Variants in RECK observed in about 807,000 individuals in gnomAD.
RECK encodes reversion-inducing cysteine-rich protein with Kazal motifs.
Under a neutral mutation model 115.1 loss-of-function variants are expected in RECK, and 69 were observed. That is an observed-to-expected ratio of 0.60 (90% confidence interval 0.49 to 0.73). RECK has a LOEUF of 0.73. RECK is among the 30% of genes least tolerant of loss of function. The pLI, the probability that RECK is intolerant of heterozygous loss-of-function variation, is 0.00. For synonymous variants in RECK, 414 were observed against 419.7 expected (o/e 0.99, Z 0.17); for missense variants, 1,047 against 1,203.7 (o/e 0.87, Z 1.93).
chr9:36,121,817 G>A lies in RECK; in HGVS notation c.2694+129G>A, dbSNP rs565883538. The A allele has an allele frequency of 1.9e-3, 1,813 of 977,612 alleles. 5 individuals are homozygous for A. The highest frequency in any genetic ancestry group is 1.7e-3 in the Non-Finnish European group (1,076 of 649,234). The allele number at this position is 977,612 out of a possible 1,614,324, so 60.6% of individuals were successfully genotyped here. ...GGAGTGGAGGCATTTGGGAAGTTCA[G>A]CGGGACAGGAGGGAGAAAAGCAAGG... is the stretch of plus-strand genomic sequence containing the variant. On this transcript the variant is annotated intron_variant, in intron 20 of 20. Transcript: ENST00000377966.
chr9:36,071,496 A>G (rs1822229233), intron 6 of RECK, among the ~76,000 whole-genome samples: 1 of 152,198 alleles, frequency 6.6e-6, no homozygotes, highest in South Asian at 2.1e-4. Context: ...GAGCCACTGA[A>G]GTACAATGCT....
At position 36,119,080 on chromosome 9, in the gene RECK, A is replaced by T. The variant is rs576695805; in HGVS notation, c.2464+113A>T. 56 of 1,076,324 alleles carry T rather than the reference A, an allele frequency of 5.2e-5. No individual in the cohort carries two copies. The African/African-American group carries it at 8.6e-4, about 17-fold the overall frequency. 66.7% of individuals were successfully genotyped at this position (1,076,324 alleles called of 1,614,324 possible). On this transcript the variant is annotated intron_variant, in intron 18 of 20. Transcript: ENST00000377966. ...CATTTACGTTTTTCAGAAAGTCTTG[A>T]AGAGATTCTTATGCTGATCATACTC...
intron 1 of RECK, among the ~76,000 whole-genome samples, chr9:36,038,824 A>C (rs1046229402): frequency 2.0e-5 from 3 of 152,046 alleles, no homozygotes; most frequent in Non-Finnish European, 2.9e-5. Context: ...AAAAAAAAAA[A>C]CAAGAAACTT....
chr9:36,053,903 C>T (rs1821410283), intron 2 of RECK, among the ~76,000 whole-genome samples: 1 of 152,176 alleles, frequency 6.6e-6, no homozygotes, highest in Non-Finnish European at 1.5e-5. Context: ...AAAAATATTA[C>T]TCCTATTACT....
Position 36,121,610 on chromosome 9 carries a change from T to C in RECK, c.2616T>C (p.Asp872=), listed in dbSNP as rs1824463480. 6.2e-7 allele frequency: 1 copy of C among 1,614,022 alleles called. No homozygotes were observed. The highest frequency in any genetic ancestry group is 1.3e-5 in the African/African-American group (1 of 74,930). ...IRMHVSVPQC[D]VFGYFSIESE... is the part of the protein sequence containing the mutation. The stretch of plus-strand genomic sequence containing the variant: ...TGCACGTGTCTGTCCCACAGTGTGA[T>C]GTGTTTGGATACTTCAGCATTGAAT... Residue 872 remains aspartate, a synonymous_variant, in exon 20 of 21, where the codon GAT becomes GAC. Coordinates refer to ENST00000377966, the MANE Select transcript of RECK (RefSeq NM_021111.3).
In RECK at chr9:36,118,861, C is replaced by T; in HGVS notation, c.2358C>T (p.Asp786=). ...SDRVAVDYYG[D]CQAVGVLSEH... ...GCGTGGCAGTCGATTACTATGGGGA[C>T]TGCCAGGCCGTCGGAGTCCTCTCAG... Residue 786 remains aspartate, a synonymous_variant, in exon 18 of 21, where the codon GAC becomes GAT. Transcript: ENST00000377966. 1 of 1,614,110 alleles carries T rather than the reference C, an allele frequency of 6.2e-7. No individual in the cohort carries two copies. The highest frequency in any genetic ancestry group is 1.1e-5 in the South Asian group (1 of 91,072).
At chr9:36,091,137 G>T in intron 9 of RECK, 27 bp from the exon 10 acceptor site, 1 of 1,610,290 alleles carries the variant, frequency 6.2e-7, no homozygotes, top group Non-Finnish European at 8.5e-7. Context: ...GCTCATGTCG[G>T]CTTCTGCATT....
Position 36,117,194 on chromosome 9 carries a change from G to GACAAA in RECK, c.2253+23_2253+27dup. The GACAAA allele has an allele frequency of 1.9e-6, 3 of 1,578,348 alleles. No homozygotes were observed. Among genetic ancestry groups the GACAAA allele is most frequent in the Non-Finnish European group, 2.6e-6 (3 of 1,160,154 alleles). ...CCCTGCCAGGTACAGTGCTTTGGCT[G>GACAAA]ACAAAACAAAGTACACTACGGATAA... On this transcript the variant is annotated intron_variant, in intron 17 of 20. Transcript: ENST00000377966.
intron 2 of RECK, among the ~76,000 whole-genome samples, chr9:36,054,517 AAG>A (rs1554702536): frequency 1.3e-5 from 2 of 151,244 alleles, no homozygotes; most frequent in Non-Finnish European, 2.9e-5. Flanking sequence ...AAAAAAAAAA[AAG>A]CCAATTAGTG....
At chr9:36,113,580 A>G (rs942781395) in intron 16 of RECK, among the ~76,000 whole-genome samples, 2 of 152,202 alleles carry the variant, frequency 1.3e-5, no homozygotes, top group African/African-American at 4.8e-5. Flanking sequence ...TTATAATAAA[A>G]CAATAAAAAT....
At chr9:36,047,057 T>G (rs1418800463) in intron 1 of RECK, among the ~76,000 whole-genome samples, 1 of 152,192 alleles carries the variant, frequency 6.6e-6, no homozygotes, top group African/African-American at 2.4e-5. Flanking sequence ...TTGCTGAGCC[T>G]TTTTCTGTTT....
rs1247537600 is a variant in RECK at position 36,083,578 on chromosome 9, A to G, written c.637+16A>G. The G allele has an allele frequency of 1.2e-6, 2 of 1,604,492 alleles. No homozygotes were observed. The highest frequency in any genetic ancestry group is 3.4e-5 in the Admixed American group (2 of 59,342). ...CCAACGGATAGTAAGTAAAAGGGAC[A>G]TATTCTTCTCATTTCAATCTTTGGT... On this transcript the variant is annotated intron_variant, in intron 8 of 20. Coordinates refer to ENST00000377966, the MANE Select transcript of RECK (RefSeq NM_021111.3).
At chr9:36,070,370 A>G (rs1822179699) in intron 6 of RECK, among the ~76,000 whole-genome samples, 1 of 152,184 alleles carries the variant, frequency 6.6e-6, no homozygotes, top group Non-Finnish European at 1.5e-5. Context: ...TCATGCCCAC[A>G]GTCAACCTTG....
chr9:36,099,121 G>C (rs1564128023), intron 10 of RECK, among the ~76,000 whole-genome samples: 1 of 151,996 alleles, frequency 6.6e-6, no homozygotes. Flanking sequence ...AGCTACTTGG[G>C]AGGCTGAGGT....
intron 20 of RECK, among the ~76,000 whole-genome samples, chr9:36,122,509 G>A (rs1235458696): frequency 6.6e-6 from 1 of 151,746 alleles, no homozygotes; most frequent in Non-Finnish European, 1.5e-5. Flanking sequence ...TTGCTACATT[G>A]CCCAGGCTGG....
rs765243278 is a variant in RECK, at chr9:36,120,614, C to A, written c.2465-49C>A. 7.0e-6 allele frequency: 10 copies of A among 1,423,262 alleles called. No individual in the cohort carries two copies. In the South Asian group the frequency reaches 1.2e-4, roughly 17 times the overall value. The allele number at this position is 1,423,262 out of a possible 1,614,324, so 88.2% of individuals were successfully genotyped here. A position where few individuals can be genotyped will look rare whatever the true frequency, so the allele number is the denominator to read the frequency against. On this transcript the variant is annotated intron_variant, in intron 18 of 20. Transcript: ENST00000377966. ...GACATTTCACTAAGGATTTTAAATT[C>A]TCTTTGTTTCTAATTCTGAACGCAC...
At chr9:36,076,893 C>A (rs1822472106) in intron 6 of RECK, among the ~76,000 whole-genome samples, 1 of 152,178 alleles carries the variant, frequency 6.6e-6, no homozygotes, top group Non-Finnish European at 1.5e-5. Context: ...ACAACCCAGA[C>A]TATTCTCAGT....
In RECK at chr9:36,087,973, A is replaced by G; in HGVS notation, c.905+12A>G. The G allele has an allele frequency of 6.3e-7, 1 of 1,594,008 alleles. No homozygotes were observed. The highest frequency in any genetic ancestry group is 8.6e-7 in the Non-Finnish European group (1 of 1,167,028). On this transcript the variant is annotated intron_variant, in intron 9 of 20. Transcript: ENST00000377966. ...ACTTCAACATGTAGGTTAGTATTTC[A>G]TTTTCCTTTACCAAAATCAGTAGAA...
chr9:36,061,429 C>A (rs1217978479), intron 4 of RECK, among the ~76,000 whole-genome samples: 1 of 149,234 alleles, frequency 6.7e-6, no homozygotes, highest in Non-Finnish European at 1.5e-5. Flanking sequence ...CACACACACA[C>A]ACACACACAG....
Sources: allele counts gnomAD v4.1 joint callset (sites outside exome capture counted in the v4.1 genomes callset), GRCh38; gene constraint gnomAD v4.1.1; transcripts MANE v1.5; gene names NCBI Gene and HGNC (gene_info 2026-07-23, HGNC 2026-07-21).